The following TMEM25 variants were observed in gnomAD, a reference collection of about 807,000 sequenced individuals.
TMEM25 encodes the protein 0610039J01Rik.
A neutral mutation model predicts 37.0 loss-of-function variants in TMEM25; 36 were observed. The ratio of observed to expected loss-of-function variants is 0.97; its 90% CI spans 0.75 to 1.28. The LOEUF (loss-of-function observed/expected upper bound fraction) is 1.28. TMEM25 is among the 50% of genes most tolerant of loss of function. TMEM25 has a pLI of 0.00. For synonymous variants in TMEM25, 197 were observed against 203.7 expected (o/e 0.97, Z 0.28); for missense variants, 444 against 477.9 (o/e 0.93, Z 0.66).
At position 118,534,662 on chromosome 11, in the gene TMEM25, C is replaced by A. The variant is rs45485302; in HGVS notation, c.*82C>A. The A allele has an allele frequency of 0.15, 240,458 of 1,571,768 alleles. 22,817 individuals carry two copies. Among genetic ancestry groups the A allele is most frequent in the East Asian group, 0.46 (20,004 of 43,864 alleles). On this transcript the variant is annotated 3_prime_UTR_variant, in exon 9 of 9. Transcript: ENST00000313236. This position sits in a 1 kb window ranked among gnomAD's most constrained non-coding sequence, Gnocchi z 4.6. Reference sequence around the variant, plus strand: ...AGGCATCCTCTACCTAGCTAGGTCACCAACGTGAAGAAGTTATGCCACTGC... The same window carrying A: ...AGGCATCCTCTACCTAGCTAGGTCAACAACGTGAAGAAGTTATGCCACTGC...
chr11:118,536,709 C>T (rs1387874176), downstream of TMEM25, among the ~76,000 whole-genome samples: 2 of 152,218 alleles, frequency 1.3e-5, no homozygotes, highest in African/African-American at 4.8e-5. Context: ...GGTCCTCACT[C>T]AGCTGCTTCT....
rs782126380 is a variant in TMEM25 at position 118,534,134 on chromosome 11, A to T, written c.937+5A>T. On this transcript the variant is annotated splice_donor_5th_base_variant and intron_variant, in intron 7 of 8. Transcript: ENST00000313236. This position sits in a 1 kb window ranked among gnomAD's most constrained non-coding sequence, Gnocchi z 4.6. The stretch of plus-strand genomic sequence containing the variant: ...ACCTCACTCCAGATTCCAGAGGTAT[A>T]TCTAGGGCCCTGCTCTTTGCCCCTG... 5 of 1,613,964 alleles carry T rather than the reference A, an allele frequency of 3.1e-6. No homozygotes were observed. The highest frequency in any genetic ancestry group is 4.5e-5 in the East Asian group (2 of 44,874).
At position 118,533,158 on chromosome 11, in the gene TMEM25, G is replaced by T. The variant is rs1555060522; in HGVS notation, c.624G>T (p.Val208=). ...QLRSLAHNLS[V]VATNDVGVTS... ...GCAGCCTGGCACACAACCTCTCGGT[G>T]GTGGCCACCAATGACGTGGGTGTCA... The change falls in exon 4 of 9, where the codon GTG becomes GTT. Residue 208 remains valine, a synonymous_variant. Coordinates refer to ENST00000313236, the MANE Select transcript of TMEM25 (RefSeq NM_032780.4). The T allele has an allele frequency of 6.2e-7, 1 of 1,607,898 alleles. No homozygotes were observed. The highest frequency in any genetic ancestry group is 2.2e-5 in the East Asian group (1 of 44,888).
Position 118,531,232 on chromosome 11 carries a change from C to T in TMEM25, c.-30C>T, listed in dbSNP as rs1951230630. On this transcript the variant is annotated splice_region_variant and 5_prime_UTR_variant, in exon 1 of 9. Coordinates refer to ENST00000313236, the MANE Select transcript of TMEM25 (RefSeq NM_032780.4). The stretch of plus-strand genomic sequence containing the variant: ...CTCCGGCGGCGCTCGGGGAGGGAGC[C>T]AGGTGAGCCGCCCCGGTGGCGGGGG... 1 of 423,392 alleles carries T rather than the reference C, an allele frequency of 2.4e-6. No individual in the cohort carries two copies. Among genetic ancestry groups the T allele is most frequent in the Non-Finnish European group, 4.3e-6 (1 of 235,024 alleles). The allele number at this position is 423,392 out of a possible 1,614,324, so 26.2% of individuals were successfully genotyped here. A position where few individuals can be genotyped will look rare whatever the true frequency, so the allele number is the denominator to read the frequency against.
chr11:118,532,287 C>G lies in TMEM25; in HGVS notation c.208C>G (p.Gln70Glu). 6.2e-7 allele frequency: 1 copy of G among 1,614,180 alleles called. No homozygotes were observed. Among genetic ancestry groups the G allele is most frequent in the African/African-American group, 1.3e-5 (1 of 75,062 alleles). The change falls in exon 3 of 9, where the codon CAG becomes GAG. Residue 70 changes from glutamine (Q) to glutamate (E), a missense_variant. Gln to Glu is a conservative substitution (Grantham distance 29). Coordinates refer to ENST00000313236, the MANE Select transcript of TMEM25 (RefSeq NM_032780.4). ...TPRLAWYLDGQLQEASTSRLL... is the reference protein window; with the variant it reads ...TPRLAWYLDGELQEASTSRLL... Reference sequence around the variant, plus strand: ...CAGATTGGCCTGGTATCTGGATGGACAGCTGCAGGAGGCCAGCACCTCAAG... The same window carrying G: ...CAGATTGGCCTGGTATCTGGATGGAGAGCTGCAGGAGGCCAGCACCTCAAG...
rs782030117 is a variant in TMEM25 at position 118,534,236 on chromosome 11, G to A, written c.938-30G>A. 49 of 1,613,854 alleles carry A rather than the reference G, an allele frequency of 3.0e-5. No individual in the cohort carries two copies. The highest frequency in any genetic ancestry group is 2.3e-4 in the Admixed American group (14 of 59,982). The stretch of plus-strand genomic sequence containing the variant: ...CGAGGCCTCATCAGGCACACTCCTC[G>A]TCCTGAACACTGCCCTCTTTGTCAA... On this transcript the variant is annotated intron_variant, in intron 7 of 8. Coordinates refer to ENST00000313236, the MANE Select transcript of TMEM25 (RefSeq NM_032780.4). This position sits in a 1 kb window ranked among gnomAD's most constrained non-coding sequence, Gnocchi z 4.6.
At chr11:118,545,272 T>C in intron 8 of TMEM25, 1 of 777,544 alleles carries the variant, frequency 1.3e-6, no homozygotes. Flanking sequence ...TTTGCTCTCC[T>C]AATTATGGGA....
chr11:118,533,911 G>C, intron 6 of TMEM25, 24 bp downstream of exon 6: 1 of 1,614,114 alleles, frequency 6.2e-7, no homozygotes, highest in Non-Finnish European at 8.5e-7. Context: ...GGGCTGGGTG[G>C]ACAAGCCTAA....
At position 118,532,399 on chromosome 11, in the gene TMEM25, GCT is replaced by G. The variant is rs782103908; in HGVS notation, c.325_326del (p.Leu109AlafsTer16). Reference sequence around the variant, plus strand: ...CATCGGGCCCAGCATGAGCTCAACTGCTCTCTGCAGGACCCCAGAAGTGGCCG... The same window carrying G: ...CATCGGGCCCAGCATGAGCTCAACTGCTCTGCAGGACCCCAGAAGTGGCCG... On this transcript the variant is annotated frameshift_variant, in exon 3 of 9. Transcript: ENST00000313236. LOFTEE classifies it high-confidence loss of function. The G allele has an allele frequency of 1.1e-5, 17 of 1,614,198 alleles. No individual in the cohort carries two copies. The East Asian group carries it at 3.6e-4, about 34-fold the overall frequency.
intron 8 of TMEM25, among the ~76,000 whole-genome samples, chr11:118,543,135 C>T (rs760832641): frequency 2.6e-5 from 4 of 150,968 alleles, no homozygotes; most frequent in Non-Finnish European, 5.9e-5. Context: ...CCCAGCTACT[C>T]GGGAGGCATA....
chr11:118,534,794 G>A lies in TMEM25; in HGVS notation c.*214G>A, dbSNP rs1951462671. 1.4e-6 allele frequency: 2 copies of A among 1,403,810 alleles called. No individual in the cohort carries two copies. The highest frequency in any genetic ancestry group is 1.5e-5 in the South Asian group (1 of 64,766). 87.0% of individuals were successfully genotyped at this position (1,403,810 alleles called of 1,614,324 possible). A position where few individuals can be genotyped will look rare whatever the true frequency, so the allele number is the denominator to read the frequency against. On this transcript the variant is annotated 3_prime_UTR_variant, in exon 9 of 9. Coordinates refer to ENST00000313236, the MANE Select transcript of TMEM25 (RefSeq NM_032780.4). The surrounding 1 kb of genome is among the most constrained non-coding windows in gnomAD (Gnocchi z 4.6). The stretch of plus-strand genomic sequence containing the variant: ...ACAGGTATCTTTGGCAAGGCTACCA[G>A]TTGGACGTAAGCCCCTCATGCTGAC...
At chr11:118,542,704 G>A (rs1951593905) in intron 8 of TMEM25, among the ~76,000 whole-genome samples, 1 of 151,454 alleles carries the variant, frequency 6.6e-6, no homozygotes, top group South Asian at 2.1e-4. Flanking sequence ...CCTAAAGGCA[G>A]GAATTCAAGA....
chr11:118,545,380 C>T lies in TMEM25; in HGVS notation c.1028-739C>T, dbSNP rs782577399. ...GAAACTATAGTGATCCTCTCTACAG[C>T]TTAAGTCAACCCCTGATGCTTGGCT... On this transcript the variant is annotated intron_variant, in intron 8 of 8. Transcript: ENST00000354284. 3.3e-6 allele frequency: 5 copies of T among 1,500,690 alleles called. No individual in the cohort carries two copies. In the South Asian group the frequency reaches 5.6e-5, roughly 17 times the overall value. 93.0% of individuals were successfully genotyped at this position (1,500,690 alleles called of 1,614,324 possible). A position where few individuals can be genotyped will look rare whatever the true frequency, so the allele number is the denominator to read the frequency against.
downstream of TMEM25, chr11:118,547,273 A>G (rs975096618): frequency 3.9e-5 from 6 of 152,210 alleles, no homozygotes; most frequent in African/African-American, 1.2e-4. Flanking sequence ...AATAAAGTCT[A>G]TGGTATGTTA....
At chr11:118,545,726 A>AG in intron 8 of TMEM25, 1 of 1,496,906 alleles carries the variant, frequency 6.7e-7, no homozygotes, top group Non-Finnish European at 9.3e-7. Context: ...AGAGTAAACA[A>AG]GCCTGTCCAA....
At chr11:118,537,527 C>T (rs1180314589), downstream of TMEM25, among the ~76,000 whole-genome samples, 6 of 152,320 alleles carry the variant, frequency 3.9e-5, no homozygotes, top group African/African-American at 1.4e-4. Flanking sequence ...TATGTTTGTA[C>T]CCTTTAACTC....
chr11:118,543,076 C>T (rs1555066049), intron 8 of TMEM25, among the ~76,000 whole-genome samples: 2 of 151,918 alleles, frequency 1.3e-5, no homozygotes, highest in Non-Finnish European at 2.9e-5. Flanking sequence ...TCCATCTCTA[C>T]TGAAAATACA....
At chr11:118,539,457 C>T (rs1409536928), downstream of TMEM25, among the ~76,000 whole-genome samples, 4 of 152,024 alleles carry the variant, frequency 2.6e-5, no homozygotes, top group African/African-American at 9.7e-5. Context: ...TGAGCCACCG[C>T]GCCTGGCCAG....
intron 8 of TMEM25, chr11:118,545,858 AAGG>A: frequency 6.2e-7 from 1 of 1,614,096 alleles, no homozygotes. Context: ...GCTTACCTGG[AAGG>A]GGCATGGAAG....
Sources: gnomAD v4.1 joint callset for allele counts (sites outside exome capture counted in the v4.1 genomes callset) on GRCh38, gnomAD v4.1.1 for gene constraint, Gnocchi (gnomAD v3.1) non-coding constraint, MANE v1.5 for transcripts, NCBI Gene and HGNC (gene_info 2026-07-23, HGNC 2026-07-21) for gene names.